ASTN2: variants seen among roughly 807,000 people sequenced by gnomAD.
ASTN2 encodes the protein astrotactin-2.
Under a neutral mutation model 139.8 loss-of-function variants are expected in ASTN2, and 54 were observed. The observed-to-expected ratio is 0.39, with a 90% CI of 0.31 to 0.48. The LOEUF (loss-of-function observed/expected upper bound fraction) is 0.48, where lower values mean the gene tolerates loss of function less well. Ranked by LOEUF, ASTN2 falls within the 20% of genes least tolerant of loss-of-function variation. The pLI, the probability that ASTN2 is intolerant of heterozygous loss-of-function variation, is 0.95. For synonymous variants in ASTN2, 756 were observed against 719.5 expected (o/e 1.05, Z -0.81); for missense variants, 1,565 against 1,725.1 (o/e 0.91, Z 1.64).
At chr9:117,051,856 T>C (rs1474779711) in intron 5 of ASTN2, among the ~76,000 whole-genome samples, 1 of 152,146 alleles carries the variant, frequency 6.6e-6, no homozygotes, top group Non-Finnish European at 1.5e-5. Flanking sequence ...TCCATGACAA[T>C]GTTCACCATT....
chr9:116,688,585 C>G (rs151231525), intron 16 of ASTN2, among the ~76,000 whole-genome samples: 1 of 152,174 alleles, frequency 6.6e-6, no homozygotes, highest in Non-Finnish European at 1.5e-5. Context: ...AACAAAGATC[C>G]GTTATCATGA....
Position 117,096,089 on chromosome 9 carries a change from G to A in ASTN2, c.1231C>T (p.Leu411=). ...SGSEADDETQ[L]TFYTEQYRSR... is the part of the protein sequence containing the mutation. ...CGGTACTGCTCCGTGTAGAATGTCA[G>A]CTGAGTTTCATCGTCTGCCTCTGAG... The change falls in exon 5 of 23, where the codon CTG becomes TTG. Residue 411 remains leucine (L), a synonymous_variant. Coordinates refer to ENST00000313400, the MANE Select transcript of ASTN2 (RefSeq NM_001365068.1). The A allele has an allele frequency of 6.2e-7, 1 of 1,614,058 alleles. No individual in the cohort carries two copies. Among genetic ancestry groups the A allele is most frequent in the East Asian group, 2.2e-5 (1 of 44,866 alleles).
chr9:117,303,330 C>G (rs1834921380), intron 1 of ASTN2, among the ~76,000 whole-genome samples: 1 of 152,130 alleles, frequency 6.6e-6, no homozygotes. Flanking sequence ...ATTCCTGACT[C>G]CAATTTCACA....
At chr9:117,004,257 C>T (rs887209158) in intron 7 of ASTN2, among the ~76,000 whole-genome samples, 1 of 152,158 alleles carries the variant, frequency 6.6e-6, no homozygotes, top group African/African-American at 2.4e-5. Flanking sequence ...GTAGCTGGGA[C>T]TATGGGCATG....
intron 19 of ASTN2, among the ~76,000 whole-genome samples, chr9:116,508,507 A>G (rs972001970): frequency 1.4e-4 from 21 of 152,058 alleles, no homozygotes; most frequent in African/African-American, 4.6e-4. Context: ...TGTGTGTACT[A>G]GAGGCCTGCC....
chr9:117,036,334 C>G (rs1014386300), intron 6 of ASTN2, among the ~76,000 whole-genome samples: 3 of 152,142 alleles, frequency 2.0e-5, no homozygotes, highest in Non-Finnish European at 2.9e-5. Flanking sequence ...CATCGCATCT[C>G]CAGGATGTGT....
intron 11 of ASTN2, among the ~76,000 whole-genome samples, chr9:116,854,894 C>T (rs10983377): frequency 0.28 from 41,946 of 151,628 alleles, 7,748 homozygotes; most frequent in African/African-American, 0.51. Flanking sequence ...CCTTGTGATC[C>T]GCCTACCTCG....
chr9:116,806,805 A>T (rs1831041743), intron 12 of ASTN2, among the ~76,000 whole-genome samples: 1 of 152,170 alleles, frequency 6.6e-6, no homozygotes, highest in African/African-American at 2.4e-5. Context: ...AAAAACAGGA[A>T]TTGCAATATA....
At chr9:116,558,995 C>G (rs1049823927) in intron 19 of ASTN2, among the ~76,000 whole-genome samples, 1 of 152,186 alleles carries the variant, frequency 6.6e-6, no homozygotes, top group East Asian at 1.9e-4. Context: ...TACCAGTCAG[C>G]AAAACATGCA....
intron 19 of ASTN2, among the ~76,000 whole-genome samples, chr9:116,529,134 C>T (rs765426299): frequency 8.5e-5 from 13 of 152,166 alleles, no homozygotes; most frequent in African/African-American, 3.1e-4. Context: ...TTGCATCATG[C>T]ACCTAGAAAA....
chr9:117,354,351 T>C lies in ASTN2; in HGVS notation c.442+60146A>G, dbSNP rs367671151. On this transcript the variant is annotated intron_variant, in intron 1 of 22. Coordinates refer to ENST00000313400, the MANE Select transcript of ASTN2 (RefSeq NM_001365068.1). ...TTGCCCCCTCTCCCTGTGCATGCCATATGCCAGCTCCCTACACTCATCAAG... is the reference window on the plus strand; with the variant it reads ...TTGCCCCCTCTCCCTGTGCATGCCACATGCCAGCTCCCTACACTCATCAAG... 3.3e-5 allele frequency among the ~76,000 whole-genome samples: 5 copies of C among 151,694 alleles called. No individual in the cohort carries two copies. In the East Asian group the frequency reaches 7.9e-4, roughly 24 times the overall value.
chr9:116,615,154 A>G (rs10817912), intron 19 of ASTN2, among the ~76,000 whole-genome samples: 98,024 of 151,870 alleles, frequency 0.65, 31,793 homozygotes, highest in South Asian at 0.74. Context: ...TCAGAGAAAC[A>G]CAAATCAAAA....
At chr9:117,203,903 G>C (rs1374893306) in intron 3 of ASTN2, among the ~76,000 whole-genome samples, 4 of 152,148 alleles carry the variant, frequency 2.6e-5, no homozygotes, top group Admixed American at 2.6e-4. Context: ...GTGTTTTTCT[G>C]AGGGGAAACC....
chr9:116,661,216 C>A (rs915874170), intron 16 of ASTN2, among the ~76,000 whole-genome samples: 2 of 149,288 alleles, frequency 1.3e-5, no homozygotes, highest in Non-Finnish European at 2.9e-5. Flanking sequence ...TAACAGGAGG[C>A]TGAAAAAAAA....
At chr9:116,889,550 C>T (rs369214812) in intron 10 of ASTN2, among the ~76,000 whole-genome samples, 5 of 151,844 alleles carry the variant, frequency 3.3e-5, no homozygotes, top group African/African-American at 1.2e-4. Flanking sequence ...TTTGTGCATC[C>T]TCAGGAATTA....
At chr9:117,316,649 T>C (rs1433386753) in intron 1 of ASTN2, among the ~76,000 whole-genome samples, 1 of 152,188 alleles carries the variant, frequency 6.6e-6, no homozygotes, top group Non-Finnish European at 1.5e-5. Context: ...TCCCTCAGAA[T>C]TGTGTTTCTG....
At chr9:116,958,967 T>C (rs1444440691) in intron 10 of ASTN2, among the ~76,000 whole-genome samples, 1 of 152,040 alleles carries the variant, frequency 6.6e-6, no homozygotes, top group Admixed American at 6.5e-5. Context: ...GGGCCTCAAT[T>C]TGAGGGTGGC....
intron 6 of ASTN2, among the ~76,000 whole-genome samples, chr9:117,039,276 G>A (rs552596670): frequency 2.0e-5 from 3 of 152,152 alleles, no homozygotes; most frequent in African/African-American, 7.2e-5. Context: ...CATGTCCTTT[G>A]TAGGGACATG....
intron 3 of ASTN2, among the ~76,000 whole-genome samples, chr9:117,153,895 G>C (rs1167340249): frequency 6.6e-6 from 1 of 152,024 alleles, no homozygotes; most frequent in South Asian, 2.1e-4. Flanking sequence ...TGTATGACCA[G>C]GCACTCAATG....
Sources: gnomAD v4.1 joint callset for allele counts (sites outside exome capture counted in the v4.1 genomes callset) on GRCh38, gnomAD v4.1.1 for gene constraint, MANE v1.5 for transcripts, NCBI Gene and HGNC (gene_info 2026-07-23, HGNC 2026-07-21) for gene names.